ADAMTS20: variants seen among roughly 807,000 people sequenced by gnomAD.
ADAMTS20 encodes A disintegrin and metalloproteinase with thrombospondin motifs 20.
In ADAMTS20, 225 loss-of-function variants were observed where a neutral mutation model predicts 260.1. The ratio of observed to expected loss-of-function variants is 0.87; its 90% CI spans 0.78 to 0.97. The LOEUF (loss-of-function observed/expected upper bound fraction) is 0.97, where lower values mean the gene tolerates loss of function less well. ADAMTS20 is among the 50% of genes least tolerant of loss of function. ADAMTS20 has a pLI of 0.00. For missense variants in ADAMTS20, 2,400 were observed against 2,337.7 expected, an observed-to-expected ratio of 1.03 and a Z score of -0.55; for synonymous variants, 802 against 769.5, an observed-to-expected ratio of 1.04 and a Z score of -0.70.
At position 43,428,642 on chromosome 12, in the gene ADAMTS20, CA is replaced by C; in HGVS notation, c.3646del (p.Trp1216GlyfsTer20). 6.3e-7 allele frequency: 1 copy of C among 1,582,444 alleles called. No individual in the cohort carries two copies. The highest frequency in any genetic ancestry group is 2.3e-5 in the East Asian group (1 of 43,740). On this transcript the variant is annotated frameshift_variant, in exon 25 of 39. Transcript: ENST00000389420. LOFTEE classifies it high-confidence loss of function. ...TPCGEWQAGD[W>X]SPCSASCGHG... ...TCTCATAAGAATACTTACGGGTGAC[CA>C]ATCCCCTGCTTGCCACTCTCCACAA...
chr12:43,402,901 G>A (rs958323603), intron 28 of ADAMTS20, among the ~76,000 whole-genome samples: 2 of 151,886 alleles, frequency 1.3e-5, no homozygotes, highest in African/African-American at 4.8e-5. Flanking sequence ...CTACTATGGA[G>A]CAGTAGATAC....
rs373746834 is a variant in ADAMTS20, at chr12:43,501,481, G to GCGCGCACACACACACACACA, written c.867+670_867+671insTGTGTGTGTGTGTGTGCGCG. 5.1e-3 allele frequency among the ~76,000 whole-genome samples: 604 copies of GCGCGCACACACACACACACA among 117,716 alleles called. 6 individuals carry two copies. Among genetic ancestry groups the GCGCGCACACACACACACACA allele is most frequent in the Non-Finnish European group, 7.5e-3 (415 of 55,080 alleles). The allele number at this position is 117,716 out of a possible 152,430, so 77.2% of individuals were successfully genotyped here. On this transcript the variant is annotated intron_variant, in intron 4 of 38. Transcript: ENST00000389420. ...GGGATACGCGCGCGCGCGCGCGCGC[G>GCGCGCACACACACACACACA]CACACACACACACACACACACATGT...
At chr12:43,378,960 G>C (rs954817860) in intron 31 of ADAMTS20, among the ~76,000 whole-genome samples, 9 of 152,180 alleles carry the variant, frequency 5.9e-5, no homozygotes, top group Non-Finnish European at 1.2e-4. Flanking sequence ...AGCAAGTTTT[G>C]TGATGGTTTA....
intron 6 of ADAMTS20, 140 bp from the exon 7 acceptor site, chr12:43,490,575 A>T: frequency 2.2e-6 from 1 of 460,076 alleles, no homozygotes; most frequent in Non-Finnish European, 3.9e-6. Flanking sequence ...TAACCTCTCA[A>T]AAAGTCTAAA....
At chr12:43,382,669 A>C (rs189005656) in intron 31 of ADAMTS20, among the ~76,000 whole-genome samples, 1 of 152,142 alleles carries the variant, frequency 6.6e-6, no homozygotes, top group African/African-American at 2.4e-5. Context: ...GATAATTTTT[A>C]AAAAAATTCA....
intron 10 of ADAMTS20, among the ~76,000 whole-genome samples, chr12:43,463,456 T>C (rs1942100750): frequency 6.6e-6 from 1 of 152,198 alleles, no homozygotes; most frequent in African/African-American, 2.4e-5. Context: ...TACTTTCAAC[T>C]TTTGAACAAA....
chr12:43,461,638 C>T (rs1942067260), intron 11 of ADAMTS20, among the ~76,000 whole-genome samples: 1 of 152,076 alleles, frequency 6.6e-6, no homozygotes, highest in South Asian at 2.1e-4. Flanking sequence ...TCTTGGAGCA[C>T]ATCTTCAAAT....
chr12:43,549,207 C>T (rs1325979163), intron 2 of ADAMTS20, among the ~76,000 whole-genome samples: 5 of 114,676 alleles, frequency 4.4e-5, no homozygotes, highest in Non-Finnish European at 9.6e-5. Context: ...ACATTATCCA[C>T]ATAAATGAGG....
chr12:43,383,308 A>G (rs1002372119), intron 31 of ADAMTS20, among the ~76,000 whole-genome samples: 1 of 152,168 alleles, frequency 6.6e-6, no homozygotes, highest in Non-Finnish European at 1.5e-5. Flanking sequence ...AGTTTGCCAA[A>G]TTGTTCCTGG....
rs1565591301 is a variant in ADAMTS20 at position 43,551,184 on chromosome 12, G to T, written c.178C>A (p.His60Asn). The T allele has an allele frequency of 6.2e-7, 1 of 1,613,924 alleles. No individual in the cohort carries two copies. Among genetic ancestry groups the T allele is most frequent in the Non-Finnish European group, 8.5e-7 (1 of 1,179,886 alleles). The part of the protein sequence containing the change: ...EFGEVFPQSH[H>N]FSRQKRSSEA... The stretch of plus-strand genomic sequence containing the variant: ...GAGCTGCGTTTCTGCCGGCTGAAGT[G>T]GTGGCTCTGAGGGAACACTTCTCCA... The change falls in exon 2 of 39, where the codon CAC becomes AAC. Residue 60 changes from histidine (H) to asparagine (N), a missense_variant. Coordinates refer to ENST00000389420, the MANE Select transcript of ADAMTS20 (RefSeq NM_025003.5). The surrounding 1 kb of genome is among the most constrained non-coding windows in gnomAD (Gnocchi z 4.6).
chr12:43,466,549 TAAACAAGA>T (rs2137382038), intron 9 of ADAMTS20, 95 bp downstream of exon 9: 5 of 1,106,756 alleles, frequency 4.5e-6, no homozygotes, highest in Non-Finnish European at 6.5e-6. Context: ...AACATAAATT[TAAACAAGA>T]AAAAGCTAAA....
At chr12:43,451,906 G>C (rs925513067) in intron 14 of ADAMTS20, among the ~76,000 whole-genome samples, 2 of 152,062 alleles carry the variant, frequency 1.3e-5, no homozygotes, top group South Asian at 2.1e-4. Context: ...TGGTTTCAAC[G>C]GACAAGGAAA....
intron 29 of ADAMTS20, among the ~76,000 whole-genome samples, chr12:43,387,369 C>A (rs1376122644): frequency 1.3e-5 from 2 of 152,158 alleles, no homozygotes; most frequent in Admixed American, 1.3e-4. Context: ...GAAGTTTTGT[C>A]CCAGAGGGGC....
intron 29 of ADAMTS20, among the ~76,000 whole-genome samples, chr12:43,396,060 G>T (rs933491952): frequency 3.3e-5 from 5 of 151,892 alleles, no homozygotes; most frequent in African/African-American, 4.8e-5. Flanking sequence ...TGGGGGTGGG[G>T]TGGGATTATT....
chr12:43,468,095 T>C (rs990032056), intron 8 of ADAMTS20, among the ~76,000 whole-genome samples: 41 of 151,830 alleles, frequency 2.7e-4, no homozygotes, highest in African/African-American at 9.7e-4. Context: ...GGTAAGAGAA[T>C]CCCAAATTTT....
intron 14 of ADAMTS20, among the ~76,000 whole-genome samples, 152 bp downstream of exon 14, chr12:43,452,122 T>C (rs1379234923): frequency 6.6e-6 from 1 of 152,174 alleles, no homozygotes; most frequent in Non-Finnish European, 1.5e-5. Context: ...CTAACCATAC[T>C]TCTATAGATA....
intron 3 of ADAMTS20, among the ~76,000 whole-genome samples, chr12:43,528,678 A>C (rs571709967): frequency 6.6e-6 from 1 of 152,278 alleles, no homozygotes; most frequent in South Asian, 2.1e-4. Flanking sequence ...AAAGTCTTAA[A>C]TCTAAGACCT....
intron 15 of ADAMTS20, 51 bp from the exon 16 acceptor site, chr12:43,443,934 G>C: frequency 6.8e-7 from 1 of 1,475,480 alleles, no homozygotes; most frequent in Non-Finnish European, 9.5e-7. Context: ...AGATGGCCCA[G>C]AGGTTATTAC....
rs1222960661 is a variant in ADAMTS20, at chr12:43,376,637, C to T, written c.5012G>A (p.Gly1671Glu). 2 of 1,612,216 alleles carry T rather than the reference C, an allele frequency of 1.2e-6. No individual in the cohort carries two copies. The highest frequency in any genetic ancestry group is 1.7e-5 in the Admixed American group (1 of 59,672). ...CACTTGTCTCTTCATTATCCCAATT[C>T]CACAAGTCACTGAGCACTGTGAAAA... ...GKWSKCSVTC[G>E]IGIMKRQVKC... The change falls in exon 33 of 39, where the codon GGA becomes GAA. Residue 1671 changes from glycine to glutamate, a missense_variant. Physicochemically the swap from Gly to Glu is moderately conservative, Grantham distance 98. Coordinates refer to ENST00000389420, the MANE Select transcript of ADAMTS20 (RefSeq NM_025003.5).
Sources: allele counts gnomAD v4.1 joint callset (sites outside exome capture counted in the v4.1 genomes callset), GRCh38; gene constraint gnomAD v4.1.1; non-coding constraint Gnocchi (gnomAD v3.1); transcripts MANE v1.5; gene names NCBI Gene and HGNC (gene_info 2026-07-23, HGNC 2026-07-21).